Variants in CLASP2 observed in about 807,000 individuals in gnomAD.
CLASP2 encodes the protein CLIP-associating protein 2.
In CLASP2, 47 loss-of-function variants were observed where a neutral mutation model predicts 194.4. The ratio of observed to expected loss-of-function variants is 0.24; its 90% CI spans 0.19 to 0.31. The LOEUF is 0.31. Ranked by LOEUF, CLASP2 falls within the 10% of genes least tolerant of loss-of-function variation. CLASP2 has a pLI of 1.00. For missense variants in CLASP2, 1,445 were observed against 1,823.6 expected (o/e 0.79, Z 3.78); for synonymous variants, 619 against 633.5 (o/e 0.98, Z 0.34).
At position 33,551,463 on chromosome 3, in the gene CLASP2, A is replaced by G; in HGVS notation, c.3010-68T>C. 9 of 1,474,866 alleles carry G rather than the reference A, an allele frequency of 6.1e-6. No individual in the cohort carries two copies. The South Asian group carries it at 1.2e-4, about 19-fold the overall frequency. The allele number at this position is 1,474,866 out of a possible 1,614,324, so 91.4% of individuals were successfully genotyped here. ...TTGTGAGACACTAGAGAACATTTCAAAAATAATCAGGTGATGATGATGATT... is the reference window on the plus strand; with the variant it reads ...TTGTGAGACACTAGAGAACATTTCAGAAATAATCAGGTGATGATGATGATT... On this transcript the variant is annotated intron_variant, in intron 29 of 38. Coordinates refer to ENST00000682230, the MANE Select transcript of CLASP2 (RefSeq NM_001365631.1).
In CLASP2 at chr3:33,697,304, G is replaced by A. The variant is rs569018945; in HGVS notation, c.196-371C>T. Among the ~76,000 whole-genome samples, 180 of 152,278 alleles carry A rather than the reference G, an allele frequency of 1.2e-3. 1 individual carries two copies. The highest frequency in any genetic ancestry group is 2.2e-3 in the Non-Finnish European group (148 of 68,022). ...TTTGTTATTGTGCAAACATCAGAGT[G>A]CATTTACACCTAGACAGTATAGCCT... On this transcript the variant is annotated intron_variant, in intron 1 of 38. Coordinates refer to ENST00000682230, the MANE Select transcript of CLASP2 (RefSeq NM_001365631.1).
At chr3:33,653,159 A>G (rs1481337751) in intron 7 of CLASP2, among the ~76,000 whole-genome samples, 2 of 152,218 alleles carry the variant, frequency 1.3e-5, no homozygotes, top group Non-Finnish European at 2.9e-5. Flanking sequence ...CCACTGCTCA[A>G]TATTAGGATC....
intron 29 of CLASP2, among the ~76,000 whole-genome samples, chr3:33,551,662 A>AT (rs1302951492): frequency 6.6e-6 from 1 of 152,210 alleles, no homozygotes; most frequent in Non-Finnish European, 1.5e-5. Flanking sequence ...AGGTACAAGT[A>AT]TATGACAGTG....
At chr3:33,615,959 TATA>T (rs1411403601) in intron 12 of CLASP2, among the ~76,000 whole-genome samples, 1 of 151,064 alleles carries the variant, frequency 6.6e-6, no homozygotes, top group East Asian at 1.9e-4. Context: ...CCCAAAGCCT[TATA>T]ATAATAAAGA....
intron 27 of CLASP2, among the ~76,000 whole-genome samples, chr3:33,564,544 G>A (rs1240215448): frequency 6.6e-6 from 1 of 152,038 alleles, no homozygotes; most frequent in African/African-American, 2.4e-5. Context: ...TAAAAATGTG[G>A]ACATGTTATT....
chr3:33,606,870 T>C, intron 15 of CLASP2, 112 bp from the exon 16 acceptor site: 1 of 767,654 alleles, frequency 1.3e-6, no homozygotes, highest in Non-Finnish European at 2.1e-6. Context: ...TTCAGCATTA[T>C]CTGATATTTG....
At chr3:33,507,580 C>T (rs1036672293) in intron 37 of CLASP2, among the ~76,000 whole-genome samples, 13 of 152,106 alleles carry the variant, frequency 8.5e-5, no homozygotes, top group African/African-American at 3.1e-4. Context: ...CTCCTGAGCT[C>T]AAGTGATCCT....
intron 10 of CLASP2, among the ~76,000 whole-genome samples, chr3:33,623,229 T>A (rs1465011989): frequency 1.3e-5 from 2 of 152,232 alleles, no homozygotes; most frequent in Non-Finnish European, 2.9e-5. Context: ...AACTGGGGTA[T>A]CCATCACCTC....
In CLASP2 at chr3:33,603,030, G is replaced by A. The variant is rs759987017; in HGVS notation, c.1846C>T (p.His616Tyr). 2 of 1,607,290 alleles carry A rather than the reference G, an allele frequency of 1.2e-6. No individual in the cohort carries two copies. The highest frequency in any genetic ancestry group is 1.7e-5 in the Admixed American group (1 of 59,202). ...CGCACAGACTGTCCAGCAGCATGAT[G>A]TGCCTTGGCACCTGCAGCAGCATTC... ...DVNAAAGAKA[H>Y]HAAGQSVRSG... is the part of the protein sequence containing the mutation. The change falls in exon 18 of 39, where the codon CAT (histidine) becomes TAT (tyrosine). Residue 616 changes from histidine to tyrosine, a missense_variant. By Grantham distance (83) the His-to-Tyr change is moderately conservative. Coordinates refer to ENST00000682230, the MANE Select transcript of CLASP2 (RefSeq NM_001365631.1).
intron 6 of CLASP2, among the ~76,000 whole-genome samples, chr3:33,678,254 G>A (rs1037419997): frequency 2.6e-5 from 4 of 151,884 alleles, no homozygotes; most frequent in South Asian, 2.1e-4. Context: ...ATACCAAACC[G>A]CAGATCCAGG....
intron 23 of CLASP2, 62 bp downstream of exon 23, chr3:33,581,759 G>C: frequency 4.4e-6 from 5 of 1,137,828 alleles, no homozygotes; most frequent in Non-Finnish European, 6.5e-6. Flanking sequence ...GTATGCTGAA[G>C]TTAACAGATA....
In CLASP2 at chr3:33,603,071, C is replaced by T. The variant is rs754123905; in HGVS notation, c.1805G>A (p.Arg602Gln). ...SSLPGSLQRS[R>Q]SDIDVNAAAG... The stretch of plus-strand genomic sequence containing the variant: ...AGCAGCATTCACATCAATGTCACTT[C>T]GTGAACGCTGCAGGCTTCCTGGAAG... The change falls in exon 18 of 39, where the codon CGA (arginine) becomes CAA (glutamine). Residue 602 changes from arginine to glutamine, a missense_variant. Arg to Gln is a conservative substitution (Grantham distance 43, BLOSUM62 1). Coordinates refer to ENST00000682230, the MANE Select transcript of CLASP2 (RefSeq NM_001365631.1). 4.4e-6 allele frequency: 7 copies of T among 1,596,764 alleles called. No homozygotes were observed. Among genetic ancestry groups the T allele is most frequent in the South Asian group, 2.3e-5 (2 of 88,158 alleles).
chr3:33,521,884 C>G (rs970790879), intron 34 of CLASP2, among the ~76,000 whole-genome samples: 3 of 140,304 alleles, frequency 2.1e-5, no homozygotes, highest in East Asian at 2.3e-4. Flanking sequence ...CCCACTCCCC[C>G]CTCCACCAGC....
At chr3:33,670,062 G>T (rs1010188986) in intron 6 of CLASP2, among the ~76,000 whole-genome samples, 4 of 151,892 alleles carry the variant, frequency 2.6e-5, no homozygotes, top group African/African-American at 4.8e-5. Context: ...CAACCCAAAA[G>T]AATCTATATA....
intron 7 of CLASP2, among the ~76,000 whole-genome samples, chr3:33,656,482 T>C (rs1217038774): frequency 1.3e-5 from 2 of 152,122 alleles, no homozygotes; most frequent in Admixed American, 1.3e-4. Context: ...ATTTTAATAA[T>C]AACCAGAACT....
intron 7 of CLASP2, among the ~76,000 whole-genome samples, chr3:33,655,272 T>C (rs1290573840): frequency 2.0e-5 from 3 of 152,182 alleles, no homozygotes; most frequent in Non-Finnish European, 4.4e-5. Flanking sequence ...TATGTTACTA[T>C]TGGTGCCCAA....
intron 1 of CLASP2, among the ~76,000 whole-genome samples, chr3:33,704,260 A>G (rs2092556022): frequency 6.6e-6 from 1 of 152,218 alleles, no homozygotes; most frequent in Non-Finnish European, 1.5e-5. Flanking sequence ...AGGCTCATCA[A>G]TTATAACAAG....
chr3:33,571,643 A>G (rs891349711), intron 25 of CLASP2, among the ~76,000 whole-genome samples: 5 of 151,788 alleles, frequency 3.3e-5, no homozygotes, highest in Admixed American at 1.3e-4. Context: ...TCAAAAAAAA[A>G]AAAACCAAAA....
chr3:33,656,029 T>A (rs986976805), intron 7 of CLASP2, among the ~76,000 whole-genome samples: 4 of 152,144 alleles, frequency 2.6e-5, no homozygotes, highest in Non-Finnish European at 4.4e-5. Context: ...TCCTACAGGT[T>A]TTTAACTCTA....
Sources: gnomAD v4.1 joint callset for allele counts (sites outside exome capture counted in the v4.1 genomes callset) on GRCh38, gnomAD v4.1.1 for gene constraint, MANE v1.5 for transcripts, NCBI Gene and HGNC (gene_info 2026-07-23, HGNC 2026-07-21) for gene names.